Variants in GRM5 observed in about 807,000 individuals in gnomAD.
GRM5 encodes the protein glutamate metabotropic receptor 5, also known as metabotropic glutamate receptor 5.
A neutral mutation model predicts 83.1 loss-of-function variants in GRM5; 19 were observed. The observed-to-expected ratio is 0.23, with a 90% CI of 0.16 to 0.34. GRM5 has a LOEUF of 0.34. Among genes scored for constraint, GRM5 ranks in the 10% least tolerant of loss-of-function variants. The pLI, the probability that GRM5 is intolerant of heterozygous loss-of-function variation, is 1.00. For missense variants in GRM5, 1,160 were observed against 1,588.3 expected (o/e 0.73, Z 4.58); for synonymous variants, 675 against 633.6 (o/e 1.07, Z -0.98).
rs1338652073 is a variant in GRM5 at position 88,509,425 on chromosome 11, G to A, written c.2806C>T (p.His936Tyr). 1 of 1,612,794 alleles carries A rather than the reference G, an allele frequency of 6.2e-7. No homozygotes were observed. Among genetic ancestry groups the A allele is most frequent in the Non-Finnish European group, 8.5e-7 (1 of 1,179,806 alleles). ...TTGGGGTTTTCTTTCTTGTTGATGT[G>A]GATGGACAGGCGCTGCCACAGGTGC... is the stretch of plus-strand genomic sequence containing the variant. The part of the protein sequence containing the change: ...GQHLWQRLSI[H>Y]INKKENPNQT... Residue 936 changes from histidine (H) to tyrosine (Y), a missense_variant, in exon 10 of 10, where the codon CAC becomes TAC. His to Tyr is a moderately conservative substitution (Grantham distance 83). Around this residue, in one of 9 missense-constraint regions of GRM5, gnomAD observed 562 missense variants for 532.4 expected, o/e 1.06. Transcript: ENST00000305447.
intron 2 of GRM5, among the ~76,000 whole-genome samples, chr11:88,954,532 C>T (rs1938551212): frequency 6.6e-6 from 1 of 152,188 alleles, no homozygotes; most frequent in Non-Finnish European, 1.5e-5. Flanking sequence ...GAGAGCCCAG[C>T]ACTGCTCAAT....
chr11:88,735,702 T>C (rs968874264), intron 3 of GRM5, among the ~76,000 whole-genome samples: 1 of 152,072 alleles, frequency 6.6e-6, no homozygotes, highest in Admixed American at 6.6e-5. Context: ...CATTAATTTA[T>C]ATCTGGAAAA....
chr11:88,603,143 C>CA (rs1938045072), intron 5 of GRM5, among the ~76,000 whole-genome samples: 1 of 151,888 alleles, frequency 6.6e-6, no homozygotes, highest in Non-Finnish European at 1.5e-5. Context: ...ATGATTGTTC[C>CA]AAAAAAAGAT....
intron 2 of GRM5, among the ~76,000 whole-genome samples, chr11:88,867,602 T>C (rs1285808870): frequency 6.6e-6 from 1 of 151,740 alleles, no homozygotes; most frequent in Non-Finnish European, 1.5e-5. Context: ...TGTGACTGTG[T>C]TTGTATACAA....
chr11:88,608,102 C>A (rs975153657), intron 4 of GRM5, among the ~76,000 whole-genome samples: 1 of 152,200 alleles, frequency 6.6e-6, no homozygotes, highest in South Asian at 2.1e-4. Context: ...ACTCCATCCA[C>A]CCTAGGCAGA....
At chr11:88,752,204 C>CCATA (rs1167888951) in intron 3 of GRM5, among the ~76,000 whole-genome samples, 1 of 152,056 alleles carries the variant, frequency 6.6e-6, no homozygotes, top group Non-Finnish European at 1.5e-5. Flanking sequence ...ATAGACAACC[C>CCATA]CATAGTCTCA....
chr11:88,758,127 A>C (rs565601357), intron 3 of GRM5, among the ~76,000 whole-genome samples: 3 of 152,344 alleles, frequency 2.0e-5, no homozygotes, highest in Admixed American at 6.5e-5. Flanking sequence ...ACCAGCCTAC[A>C]AAGATGAGAA....
chr11:88,816,219 CAAAAAAAAAAAA>C (rs1183223330), intron 3 of GRM5, among the ~76,000 whole-genome samples: 3 of 44,956 alleles, frequency 6.7e-5, no homozygotes, highest in Admixed American at 3.0e-4. Context: ...GACTCCGTCT[CAAAAAAAAAAAA>C]AAAAAAAAAA....
chr11:88,782,419 C>T (rs575832622), intron 3 of GRM5, among the ~76,000 whole-genome samples: 92 of 152,188 alleles, frequency 6.0e-4, no homozygotes, highest in African/African-American at 2.1e-3. Context: ...ATTTTTAAAA[C>T]CATCAGATCC....
chr11:89,029,303 T>C (rs1226157152), intron 2 of GRM5, among the ~76,000 whole-genome samples: 1 of 152,222 alleles, frequency 6.6e-6, no homozygotes, highest in East Asian at 1.9e-4. Flanking sequence ...TTTTTTGGAT[T>C]ATTCTGTCAG....
intron 8 of GRM5, among the ~76,000 whole-genome samples, chr11:88,552,030 CA>C (rs1409276821): frequency 8.7e-6 from 1 of 114,604 alleles, no homozygotes; most frequent in Non-Finnish European, 1.7e-5. Context: ...TTAAATGTCA[CA>C]TCTTTTTTTT....
At chr11:88,950,306 GAAAA>G (rs1938416218) in intron 2 of GRM5, among the ~76,000 whole-genome samples, 1 of 151,790 alleles carries the variant, frequency 6.6e-6, no homozygotes, top group Non-Finnish European at 1.5e-5. Context: ...ATAGGTAAAT[GAAAA>G]TATTTCTAAA....
chr11:88,665,782 A>AT (rs11377369), intron 3 of GRM5, among the ~76,000 whole-genome samples: 103,835 of 148,030 alleles, frequency 0.7, 41,036 homozygotes, highest in South Asian at 0.91. Context: ...AAGGCTGAAT[A>AT]TTTTTTTTTT....
At chr11:88,899,498 C>T (rs1483601210) in intron 2 of GRM5, among the ~76,000 whole-genome samples, 1 of 151,906 alleles carries the variant, frequency 6.6e-6, no homozygotes, top group African/African-American at 2.4e-5. Flanking sequence ...GAACTGAGAA[C>T]AGTAATTTTA....
At chr11:88,659,356 T>C (rs1939846152) in intron 3 of GRM5, among the ~76,000 whole-genome samples, 1 of 152,202 alleles carries the variant, frequency 6.6e-6, no homozygotes, top group South Asian at 2.1e-4. Context: ...TTTCTACATA[T>C]TCTCTCCATA....
chr11:88,767,876 C>A (rs181326527), intron 3 of GRM5, among the ~76,000 whole-genome samples: 2 of 151,894 alleles, frequency 1.3e-5, no homozygotes, highest in Admixed American at 1.3e-4. Context: ...ACATTCAAAT[C>A]AAAACTATGA....
chr11:88,724,852 A>G (rs2135399761), intron 3 of GRM5, among the ~76,000 whole-genome samples: 1 of 152,232 alleles, frequency 6.6e-6, no homozygotes, highest in South Asian at 2.1e-4. Context: ...CTGTGCTGTA[A>G]GAAACGGTGG....
chr11:89,061,482 C>T (rs1297230269), intron 1 of GRM5, among the ~76,000 whole-genome samples: 1 of 152,094 alleles, frequency 6.6e-6, no homozygotes, highest in Admixed American at 6.6e-5. Context: ...TATTAAAATG[C>T]TTTAGTCACA....
Position 88,881,091 on chromosome 11 carries a change from T to C in GRM5, c.662-30936A>G, listed in dbSNP as rs142811055. Among the ~76,000 whole-genome samples the C allele has an allele frequency of 4.7e-3, 712 of 152,148 alleles. 4 individuals are homozygous for C. Among genetic ancestry groups the C allele is most frequent in the African/African-American group, 0.015 (625 of 41,524 alleles). On this transcript the variant is annotated intron_variant, in intron 2 of 9. Transcript: ENST00000305447. ...TTCTTTGATCCCTTAGTAGGATTTA[T>C]ATAGTCAGGGGAAGGACATTAAGTG...
Sources: allele counts gnomAD v4.1 joint callset (sites outside exome capture counted in the v4.1 genomes callset), GRCh38; gene constraint gnomAD v4.1.1; regional missense constraint gnomAD v4.1.1; transcripts MANE v1.5; gene names NCBI Gene and HGNC (gene_info 2026-07-23, HGNC 2026-07-21).